SVOPL: variants seen among roughly 807,000 people sequenced by gnomAD.
SVOPL encodes the protein putative transporter SVOPL.
Under a neutral mutation model 61.0 loss-of-function variants are expected in SVOPL, and 60 were observed. The observed-to-expected ratio is 0.98, with a 90% CI of 0.80 to 1.22. The LOEUF (loss-of-function observed/expected upper bound fraction) is 1.22. Ranked by LOEUF, SVOPL falls within the 50% of genes most tolerant of loss-of-function variation. The probability of loss-of-function intolerance (pLI) is 0.00; values close to 1 mark genes in which losing one functional copy is unlikely to be tolerated. For synonymous variants in SVOPL, 279 were observed against 250.0 expected (o/e 1.12, Z -1.09); for missense variants, 662 against 643.9 (o/e 1.03, Z -0.30).
intron 14 of SVOPL, among the ~76,000 whole-genome samples, chr7:138,603,158 T>G (rs774421510): frequency 2.6e-5 from 4 of 152,180 alleles, no homozygotes; most frequent in Non-Finnish European, 4.4e-5. Context: ...ACAGTGATTA[T>G]CTCTGGCAAT....
At chr7:138,602,368 T>C (rs1221808231) in intron 14 of SVOPL, among the ~76,000 whole-genome samples, 2 of 151,748 alleles carry the variant, frequency 1.3e-5, no homozygotes, top group African/African-American at 4.8e-5. Flanking sequence ...CACAGAAATC[T>C]ATGCACCTAC....
intron 5 of SVOPL, chr7:138,662,422 C>T (rs1270231831): frequency 1.0e-6 from 1 of 985,432 alleles, no homozygotes. Flanking sequence ...TGCTCCCTCC[C>T]AACCTACTTG....
chr7:138,681,782 C>A (rs1315065521), intron 1 of SVOPL, among the ~76,000 whole-genome samples: 4 of 152,092 alleles, frequency 2.6e-5, no homozygotes, highest in African/African-American at 9.7e-5. Context: ...AAGATTGGGC[C>A]ACTGCACTCC....
chr7:138,621,437 C>T (rs1466106392), intron 13 of SVOPL, among the ~76,000 whole-genome samples: 2 of 152,106 alleles, frequency 1.3e-5, no homozygotes, highest in African/African-American at 4.8e-5. Context: ...AGAAGAGTGC[C>T]ACTTCAGAAC....
At chr7:138,646,848 G>A (rs1801139969) in intron 8 of SVOPL, among the ~76,000 whole-genome samples, 1 of 152,096 alleles carries the variant, frequency 6.6e-6, no homozygotes, top group African/African-American at 2.4e-5. Context: ...CACCAACAGA[G>A]GCAGACAATC....
At chr7:138,639,186 C>T (rs2580809) in intron 9 of SVOPL, among the ~76,000 whole-genome samples, 99,874 of 151,670 alleles carry the variant, frequency 0.66, 34,240 homozygotes, top group Middle Eastern at 0.8. Context: ...ACCTAGGAGG[C>T]GAAGGTTGCA....
At chr7:138,623,330 G>A (rs1045162572) in intron 13 of SVOPL, among the ~76,000 whole-genome samples, 91 of 152,286 alleles carry the variant, frequency 6.0e-4, no homozygotes, top group African/African-American at 2.1e-3. Context: ...GCTGGGCACG[G>A]TGGCTCACGC....
intron 2 of SVOPL, 58 bp from the exon 3 acceptor site, chr7:138,678,583 G>T: frequency 1.3e-6 from 2 of 1,495,976 alleles, no homozygotes; most frequent in South Asian, 2.5e-5. Flanking sequence ...AATGCGTGTG[G>T]ACTATCAGCT....
chr7:138,621,716 C>T (rs763615308), intron 13 of SVOPL, among the ~76,000 whole-genome samples: 4 of 152,230 alleles, frequency 2.6e-5, no homozygotes, highest in Non-Finnish European at 4.4e-5. Context: ...AGCCACCATA[C>T]CTGGCCCCTG....
At chr7:138,612,949 G>A (rs1406915958) in intron 14 of SVOPL, among the ~76,000 whole-genome samples, 1 of 152,112 alleles carries the variant, frequency 6.6e-6, no homozygotes, top group African/African-American at 2.4e-5. Context: ...ACTGAGAGTT[G>A]TCTTATAAGC....
chr7:138,673,438 C>G (rs187454730), intron 3 of SVOPL, among the ~76,000 whole-genome samples: 18 of 152,268 alleles, frequency 1.2e-4, no homozygotes, highest in Non-Finnish European at 2.2e-4. Context: ...AGGCGGATCA[C>G]TTGAGGCCAG....
intron 8 of SVOPL, among the ~76,000 whole-genome samples, chr7:138,647,801 T>C (rs1396579877): frequency 6.8e-6 from 1 of 147,950 alleles, no homozygotes; most frequent in African/African-American, 2.5e-5. Context: ...TGAGCCGAGA[T>C]TGTGCCATTG....
intron 14 of SVOPL, among the ~76,000 whole-genome samples, chr7:138,606,727 G>T (rs947173276): frequency 6.6e-6 from 1 of 152,164 alleles, no homozygotes; most frequent in East Asian, 1.9e-4. Flanking sequence ...GCGGAGGCAG[G>T]TGGATCACCT....
intron 13 of SVOPL, 95 bp from the exon 14 acceptor site, chr7:138,621,230 G>A: frequency 1.1e-6 from 1 of 920,404 alleles, no homozygotes; most frequent in Non-Finnish European, 1.6e-6. Context: ...GTTTTGGAAT[G>A]CATAGAGCAC....
intron 9 of SVOPL, among the ~76,000 whole-genome samples, chr7:138,640,725 G>C (rs1800741254): frequency 6.6e-6 from 1 of 152,090 alleles, no homozygotes; most frequent in Non-Finnish European, 1.5e-5. Flanking sequence ...GGTACTCATG[G>C]ACATAAAGAG....
In SVOPL at chr7:138,601,207, G is replaced by A. The variant is rs189614626; in HGVS notation, c.1354-4677C>T. Among the ~76,000 whole-genome samples the A allele has an allele frequency of 9.7e-4, 143 of 147,374 alleles. 1 individual carries two copies. The highest frequency in any genetic ancestry group is 3.0e-3 in the South Asian group (14 of 4,724). On this transcript the variant is annotated intron_variant, in intron 14 of 15. Coordinates refer to ENST00000674285, the MANE Select transcript of SVOPL (RefSeq NM_001139456.2). ...GCGGAGCTTGCAGTGAGCCAAGATCGTGCCACTGCACTCTAGCCTGGGCGA... is the reference window on the plus strand; with the variant it reads ...GCGGAGCTTGCAGTGAGCCAAGATCATGCCACTGCACTCTAGCCTGGGCGA...
intron 14 of SVOPL, among the ~76,000 whole-genome samples, chr7:138,611,828 C>T (rs1799021135): frequency 1.8e-5 from 1 of 55,580 alleles, no homozygotes; most frequent in Non-Finnish European, 3.8e-5. Context: ...CTCCCAGCCG[C>T]CTGCCTTGGC....
chr7:138,608,949 A>C (rs959280413), intron 14 of SVOPL, among the ~76,000 whole-genome samples: 4 of 152,170 alleles, frequency 2.6e-5, no homozygotes, highest in Admixed American at 2.6e-4. Flanking sequence ...TTTATAGACA[A>C]ACCCACCCAC....
At position 138,633,866 on chromosome 7, in the gene SVOPL, T is replaced by G. The variant is rs142576977; in HGVS notation, c.790-3744A>C. Among the ~76,000 whole-genome samples the G allele has an allele frequency of 2.9e-3, 438 of 152,312 alleles. 3 individuals carry two copies. The highest frequency in any genetic ancestry group is 0.01 in the African/African-American group (416 of 41,574). ...TTCAAGACTTTTGTCATCAGTGATG[T>G]CCTCGGCAACAAATCAGGAACACCC... On this transcript the variant is annotated intron_variant, in intron 9 of 15. Transcript: ENST00000674285.
Sources: allele counts gnomAD v4.1 joint callset (sites outside exome capture counted in the v4.1 genomes callset), GRCh38; gene constraint gnomAD v4.1.1; transcripts MANE v1.5; gene names NCBI Gene and HGNC (gene_info 2026-07-23, HGNC 2026-07-21).